TCF4: variants seen among roughly 807,000 people sequenced by gnomAD.
TCF4 encodes the protein transcription factor 4, also known as SL3-3 enhancer factor 2.
In TCF4, 3 loss-of-function variants were observed where a neutral mutation model predicts 82.1. That is an observed-to-expected ratio of 0.04 (90% CI 0.02 to 0.09). The LOEUF is 0.09. Ranked by LOEUF, TCF4 falls within the 10% of genes least tolerant of loss-of-function variation. The probability of loss-of-function intolerance (pLI) is 1.00; values close to 1 mark genes in which losing one functional copy is unlikely to be tolerated. For missense variants in TCF4, 518 were observed against 852.7 expected (o/e 0.61, Z 4.89); for synonymous variants, 276 against 309.6 (o/e 0.89, Z 1.14).
At chr18:55,546,210 G>A (rs561128963) in intron 3 of TCF4, among the ~76,000 whole-genome samples, 5 of 152,150 alleles carry the variant, frequency 3.3e-5, no homozygotes, top group South Asian at 4.2e-4. Flanking sequence ...TTGGTGGCAC[G>A]GGCCTGTAGT....
intron 15 of TCF4, among the ~76,000 whole-genome samples, chr18:55,237,099 A>G (rs1246532917): frequency 2.0e-5 from 3 of 152,216 alleles, no homozygotes; most frequent in Non-Finnish European, 2.9e-5. Flanking sequence ...ATCGTACATG[A>G]CAACTGGTAT....
At chr18:55,257,617 G>A (rs2057163716) in intron 13 of TCF4, 8 of 585,696 alleles carry the variant, frequency 1.4e-5, no homozygotes, top group South Asian at 1.2e-4. Flanking sequence ...CAGGCTGGCT[G>A]TCTCCTAAAA....
At chr18:55,468,157 A>G (rs1363670135) in intron 3 of TCF4, among the ~76,000 whole-genome samples, 1 of 152,218 alleles carries the variant, frequency 6.6e-6, no homozygotes, top group Non-Finnish European at 1.5e-5. Flanking sequence ...AACACATACA[A>G]CACAAAATAT....
intron 3 of TCF4, among the ~76,000 whole-genome samples, chr18:55,487,902 AAAG>A (rs2096534357): frequency 6.6e-6 from 1 of 152,218 alleles, no homozygotes; most frequent in African/African-American, 2.4e-5. Flanking sequence ...TAAAAAAAAA[AAAG>A]TAGAACCAGC....
chr18:55,243,706 T>C (rs906272837), intron 15 of TCF4, among the ~76,000 whole-genome samples: 2 of 152,124 alleles, frequency 1.3e-5, no homozygotes, highest in South Asian at 2.1e-4. Context: ...ACCCATTGTG[T>C]GCACCTTAGA....
chr18:55,634,284 CA>C (rs896815024), intron 1 of TCF4, among the ~76,000 whole-genome samples: 7 of 150,932 alleles, frequency 4.6e-5, no homozygotes, highest in African/African-American at 1.7e-4. Context: ...AAAACAAAAA[CA>C]AAAACAAAAA....
At chr18:55,612,043 T>C (rs1434523150) in intron 2 of TCF4, among the ~76,000 whole-genome samples, 4 of 152,200 alleles carry the variant, frequency 2.6e-5, no homozygotes, top group Admixed American at 6.5e-5. Flanking sequence ...AGTGCTGGGA[T>C]TACAGGTGCA....
At chr18:55,276,120 T>C (rs1419038008) in intron 9 of TCF4, among the ~76,000 whole-genome samples, 1 of 152,150 alleles carries the variant, frequency 6.6e-6, no homozygotes, top group Non-Finnish European at 1.5e-5. Context: ...TCCTAAACTT[T>C]GGGGTGAAAA....
At chr18:55,231,858 CT>C (rs1017330489) in intron 17 of TCF4, 1 of 152,154 alleles carries the variant, frequency 6.6e-6, no homozygotes, top group African/African-American at 2.4e-5. Context: ...TAAAAACAAC[CT>C]CAGGGAATTG....
At chr18:55,435,302 T>G (rs2095305698) in intron 5 of TCF4, among the ~76,000 whole-genome samples, 1 of 152,228 alleles carries the variant, frequency 6.6e-6, no homozygotes, top group African/African-American at 2.4e-5. Flanking sequence ...AGCTGAGGAC[T>G]GGAAATGATT....
intron 5 of TCF4, among the ~76,000 whole-genome samples, chr18:55,407,648 AT>A (rs1203268036): frequency 1.1e-4 from 11 of 96,972 alleles, no homozygotes; most frequent in South Asian, 6.1e-4. Flanking sequence ...CAACTTCCAT[AT>A]AAAAAAAAAA....
intron 14 of TCF4, 95 bp downstream of exon 14, chr18:55,257,220 C>A: frequency 7.6e-7 from 1 of 1,307,960 alleles, no homozygotes; most frequent in Non-Finnish European, 1.1e-6. Context: ...AAGTTACTAA[C>A]AGGGAAAATC....
At chr18:55,348,957 T>C (rs1261072116) in intron 8 of TCF4, among the ~76,000 whole-genome samples, 1 of 152,148 alleles carries the variant, frequency 6.6e-6, no homozygotes, top group Non-Finnish European at 1.5e-5. Flanking sequence ...GAAGTTGTCA[T>C]AAAACCTATT....
intron 2 of TCF4, among the ~76,000 whole-genome samples, chr18:55,611,157 A>G (rs1012555591): frequency 4.8e-4 from 73 of 152,194 alleles, no homozygotes; most frequent in African/African-American, 1.7e-3. Flanking sequence ...CTTTGGTAAT[A>G]GTTGCAAGAT....
Position 55,461,114 on chromosome 18 carries a change from T to C in TCF4, c.209A>G (p.Asn70Ser), listed in dbSNP as rs200359873. The part of the protein sequence containing the change: ...GNGGHPSPSR[N>S]YGDGTPYDHM... ...GTCATAGGGAGTCCCATCTCCATAG[T>C]TCTGTAAATAAAATGACAGTGTAAG... The change falls in exon 5 of 20, where the codon AAC becomes AGC. Residue 70 changes from asparagine to serine, a missense_variant and splice_region_variant. Asn to Ser is a conservative substitution (Grantham distance 46, BLOSUM62 1). Transcript: ENST00000354452. The C allele has an allele frequency of 3.1e-6, 5 of 1,610,838 alleles. No homozygotes were observed. In the Admixed American group the frequency reaches 8.4e-5, roughly 27 times the overall value.
chr18:55,579,896 T>C (rs1230231707), intron 3 of TCF4, among the ~76,000 whole-genome samples: 1 of 152,096 alleles, frequency 6.6e-6, no homozygotes, highest in Non-Finnish European at 1.5e-5. Context: ...ACTGTTTATA[T>C]GACAGTCTTT....
intron 5 of TCF4, among the ~76,000 whole-genome samples, chr18:55,443,184 T>C (rs1266894833): frequency 1.3e-5 from 2 of 152,188 alleles, no homozygotes; most frequent in Non-Finnish European, 2.9e-5. Flanking sequence ...TGGATACTAA[T>C]CTATGCCCTT....
At chr18:55,368,924 G>C (rs968028034) in intron 6 of TCF4, among the ~76,000 whole-genome samples, 15 of 152,184 alleles carry the variant, frequency 9.9e-5, no homozygotes, top group African/African-American at 3.1e-4. Context: ...CTTGCTAGCT[G>C]TGATATGGCA....
At chr18:55,348,864 A>T (rs1487966030) in intron 8 of TCF4, among the ~76,000 whole-genome samples, 1 of 152,136 alleles carries the variant, frequency 6.6e-6, no homozygotes, top group African/African-American at 2.4e-5. Flanking sequence ...GAACATTCAA[A>T]GGTCCACCAA....
Sources: gnomAD v4.1 joint callset for allele counts (sites outside exome capture counted in the v4.1 genomes callset) on GRCh38, gnomAD v4.1.1 for gene constraint, MANE v1.5 for transcripts, NCBI Gene and HGNC (gene_info 2026-07-23, HGNC 2026-07-21) for gene names.